Variants in CEP72 observed in about 807,000 individuals in gnomAD.
CEP72 encodes centrosomal protein 72, also known as centrosomal protein of 72 kDa.
A neutral mutation model predicts 65.7 loss-of-function variants in CEP72; 78 were observed. That is an observed-to-expected ratio of 1.19 (90% confidence interval 0.99 to 1.43). The LOEUF (loss-of-function observed/expected upper bound fraction) is 1.43. CEP72 is among the 40% of genes most tolerant of loss of function. The probability of loss-of-function intolerance (pLI) is 0.00; values close to 1 mark genes in which losing one functional copy is unlikely to be tolerated. For missense variants in CEP72, 914 were observed against 832.9 expected, an observed-to-expected ratio of 1.10 and a Z score of -1.20; for synonymous variants, 358 against 351.7, an observed-to-expected ratio of 1.02 and a Z score of -0.20.
At chr5:643,682 C>T in intron 9 of CEP72, 1 of 984,758 alleles carries the variant, frequency 1.0e-6, no homozygotes, top group South Asian at 4.7e-5. Context: ...GAGACGGGAT[C>T]CCTGGGGACC....
chr5:635,961 C>G (rs1020106828), intron 6 of CEP72, among the ~76,000 whole-genome samples: 2 of 152,098 alleles, frequency 1.3e-5, no homozygotes, highest in Non-Finnish European at 2.9e-5. Context: ...CAGACTCATC[C>G]TTTATCAGGA....
rs543726364 is a variant in CEP72 at position 632,880 on chromosome 5, G to T, written c.513-889G>T. ...CAGTCCTGGTGGGGTTCTGTCCAGT[G>T]CCGGGATTTGGACCAGTTCTGGTGG... On this transcript the variant is annotated intron_variant, in intron 4 of 11. Transcript: ENST00000264935. Among the ~76,000 whole-genome samples, 242 of 98,400 alleles carry T rather than the reference G, an allele frequency of 2.5e-3. 3 individuals are homozygous for T. Among genetic ancestry groups the T allele is most frequent in the Non-Finnish European group, 3.5e-3 (177 of 49,938 alleles). 64.6% of individuals were successfully genotyped at this position (98,400 alleles called of 152,430 possible).
chr5:621,889 G>A (rs1697992), intron 3 of CEP72, among the ~76,000 whole-genome samples: 1 of 152,206 alleles, frequency 6.6e-6, no homozygotes, highest in South Asian at 2.1e-4. Context: ...TACTCCTGCC[G>A]CAGCCTCCCA....
intron 4 of CEP72, among the ~76,000 whole-genome samples, chr5:627,273 C>T (rs780881981): frequency 3.9e-5 from 6 of 152,246 alleles, no homozygotes; most frequent in Non-Finnish European, 8.8e-5. Flanking sequence ...GATAGATGTT[C>T]ATCACATTCT....
chr5:645,675 C>T lies in CEP72; in HGVS notation c.1666+1250C>T, dbSNP rs1271735398. 3.9e-5 allele frequency among the ~76,000 whole-genome samples: 6 copies of T among 152,244 alleles called. No homozygotes were observed. Among genetic ancestry groups the T allele is most frequent in the Non-Finnish European group, 7.3e-5 (5 of 68,048 alleles). Reference sequence around the variant, plus strand: ...CATCTGATCAGCACTGGTACCCGCTCCACGCCCTGAGCTGCTGGGATAGGC... The same window carrying T: ...CATCTGATCAGCACTGGTACCCGCTTCACGCCCTGAGCTGCTGGGATAGGC... On this transcript the variant is annotated intron_variant, in intron 10 of 11. Transcript: ENST00000264935. This position sits in a 1 kb window ranked among gnomAD's most constrained non-coding sequence, Gnocchi z 4.0.
chr5:648,850 G>C (rs1561062007), intron 11 of CEP72, among the ~76,000 whole-genome samples: 1 of 30,314 alleles, frequency 3.3e-5, no homozygotes, highest in Admixed American at 4.0e-4. Context: ...GGTGTGGACT[G>C]TGAGGTGTGA....
chr5:670,591 A>G (rs3792723), downstream of CEP72, among the ~76,000 whole-genome samples: 38,791 of 151,926 alleles, frequency 0.26, 5,297 homozygotes, highest in South Asian at 0.4. Flanking sequence ...GGAGGTTCCT[A>G]CCTGGTAGGG....
chr5:636,390 T>A (rs1238408658), intron 6 of CEP72, among the ~76,000 whole-genome samples: 2 of 152,218 alleles, frequency 1.3e-5, no homozygotes, highest in Non-Finnish European at 2.9e-5. Context: ...ACACACACTT[T>A]TAAGTGTATG....
chr5:634,052 C>G, intron 5 of CEP72, 105 bp downstream of exon 5: 3 of 1,006,566 alleles, frequency 3.0e-6, no homozygotes, highest in Non-Finnish European at 4.4e-6. Context: ...TGGAACTTAC[C>G]TTGAAGGATA....
the CEP72 span, among the ~76,000 whole-genome samples, chr5:673,559 G>A: frequency 4.3e-4 from 66 of 152,236 alleles, no homozygotes; most frequent in Middle Eastern, 3.4e-3. Context: ...CCCACACGGC[G>A]CCCACTCACG....
chr5:615,408 A>G (rs1485969005), intron 1 of CEP72, among the ~76,000 whole-genome samples: 1 of 152,176 alleles, frequency 6.6e-6, no homozygotes, highest in Non-Finnish European at 1.5e-5. Flanking sequence ...CTGGGATTAC[A>G]AGTGTGAGCC....
intron 4 of CEP72, among the ~76,000 whole-genome samples, chr5:627,200 T>C (rs1283917156): frequency 6.6e-6 from 1 of 152,150 alleles, no homozygotes; most frequent in Non-Finnish European, 1.5e-5. Flanking sequence ...TTTGTCTGTT[T>C]TGGCAGATTG....
intron 4 of CEP72, among the ~76,000 whole-genome samples, chr5:631,595 G>A (rs1737189432): frequency 2.6e-5 from 1 of 37,942 alleles, no homozygotes; most frequent in Non-Finnish European, 4.5e-5. Flanking sequence ...TCTGTCCAGT[G>A]CCGGGATTTG....
chr5:640,618 G>T lies in CEP72; in HGVS notation c.1539+14G>T. The stretch of plus-strand genomic sequence containing the variant: ...CACAAGGAGCTGGTGAGCCCGCCCT[G>T]GCGCTGTGTCTGTGTCCATGTGACT... On this transcript the variant is annotated intron_variant, in intron 9 of 11. Coordinates refer to ENST00000264935, the MANE Select transcript of CEP72 (RefSeq NM_018140.4). The T allele has an allele frequency of 6.2e-7, 1 of 1,602,822 alleles. No homozygotes were observed. Among genetic ancestry groups the T allele is most frequent in the Non-Finnish European group, 8.5e-7 (1 of 1,176,100 alleles).
chr5:613,788 C>A (rs1324603980), intron 1 of CEP72, among the ~76,000 whole-genome samples: 2 of 152,250 alleles, frequency 1.3e-5, no homozygotes, highest in Admixed American at 6.5e-5. Flanking sequence ...GGTGAATCCG[C>A]TTGCGGGGCC....
intron 11 of CEP72, among the ~76,000 whole-genome samples, chr5:650,123 C>G (rs1330239273): frequency 2.0e-5 from 1 of 50,210 alleles, no homozygotes; most frequent in African/African-American, 9.8e-5. Context: ...GACTGTGAGG[C>G]GTGGACTGTG....
intron 4 of CEP72, among the ~76,000 whole-genome samples, chr5:628,094 A>G: frequency 6.6e-6 from 1 of 152,234 alleles, no homozygotes; most frequent in Admixed American, 6.5e-5. Context: ...AATATGCTTC[A>G]TAGCACAGTG....
chr5:647,990 G>C, intron 11 of CEP72, 74 bp downstream of exon 11: 1 of 976,028 alleles, frequency 1.0e-6, no homozygotes, highest in South Asian at 1.5e-5. Flanking sequence ...GGCCGGACTG[G>C]GTCACACCCA....
intron 2 of CEP72, chr5:664,994 G>A: frequency 1.5e-6 from 2 of 1,364,632 alleles, no homozygotes; most frequent in South Asian, 1.4e-5. Context: ...CCCCTCTGGG[G>A]CACCCGTCTG....
Sources: gnomAD v4.1 joint callset for allele counts (sites outside exome capture counted in the v4.1 genomes callset) on GRCh38, gnomAD v4.1.1 for gene constraint, Gnocchi (gnomAD v3.1) non-coding constraint, MANE v1.5 for transcripts, NCBI Gene and HGNC (gene_info 2026-07-23, HGNC 2026-07-21) for gene names.